SORBS2: variants seen among roughly 807,000 people sequenced by gnomAD.
SORBS2 encodes the protein sorbin and SH3 domain containing 2.
In SORBS2, 46 loss-of-function variants were observed where a neutral mutation model predicts 97.7. The ratio of observed to expected loss-of-function variants is 0.47; its 90% confidence interval spans 0.37 to 0.60. The LOEUF (loss-of-function observed/expected upper bound fraction) is 0.60. SORBS2 is among the 20% of genes least tolerant of loss of function. SORBS2 has a pLI of 0.00. For missense variants in SORBS2, 1,316 were observed against 1,282.3 expected (o/e 1.03, Z -0.40); for synonymous variants, 476 against 473.4 (o/e 1.01, Z -0.07).
At chr4:185,790,080 T>C (rs1425261519) in intron 1 of SORBS2, among the ~76,000 whole-genome samples, 1 of 152,188 alleles carries the variant, frequency 6.6e-6, no homozygotes, top group Non-Finnish European at 1.5e-5. Flanking sequence ...TGTCTCTAAT[T>C]TCACAGATTT....
At chr4:185,833,180 T>A (rs931680710) in intron 1 of SORBS2, among the ~76,000 whole-genome samples, 5 of 152,230 alleles carry the variant, frequency 3.3e-5, no homozygotes, top group Non-Finnish European at 7.3e-5. Context: ...TACCACCCCA[T>A]CTGACTATAA....
intron 4 of SORBS2, among the ~76,000 whole-genome samples, chr4:185,668,752 C>A (rs996105288): frequency 6.6e-5 from 10 of 152,156 alleles, no homozygotes; most frequent in African/African-American, 2.4e-4. Context: ...TCATGAGTGG[C>A]AAGTAGATGA....
chr4:185,626,679 T>A, intron 6 of SORBS2, 153 bp downstream of exon 18: 1 of 741,776 alleles, frequency 1.3e-6, no homozygotes, highest in Non-Finnish European at 2.2e-6. Flanking sequence ...TCAGTCTGGG[T>A]GGGAAGAAGG....
chr4:185,720,477 C>G (rs958223663), intron 2 of SORBS2, among the ~76,000 whole-genome samples: 5 of 152,272 alleles, frequency 3.3e-5, no homozygotes, highest in Middle Eastern at 3.4e-3. Context: ...GTAGATCACA[C>G]CCATGCAATT....
intron 1 of SORBS2, among the ~76,000 whole-genome samples, chr4:185,867,097 C>T (rs561522584): frequency 2.0e-4 from 31 of 152,118 alleles, no homozygotes; most frequent in Non-Finnish European, 2.6e-4. Flanking sequence ...CTGCAACCCC[C>T]GCCTCCCAGG....
chr4:185,709,237 C>G (rs60349244), intron 2 of SORBS2, among the ~76,000 whole-genome samples: 1 of 150,362 alleles, frequency 6.7e-6, no homozygotes, highest in South Asian at 2.1e-4. Flanking sequence ...CCAGGCTGGT[C>G]TTGAACTCCC....
At chr4:185,745,947 G>C (rs2098757201) in intron 2 of SORBS2, among the ~76,000 whole-genome samples, 1 of 152,122 alleles carries the variant, frequency 6.6e-6, no homozygotes. Context: ...TACAGAAAGA[G>C]AAGCAAACGA....
intron 2 of SORBS2, 150 bp from the exon 6 acceptor site, chr4:185,678,972 C>A: frequency 2.3e-6 from 1 of 431,092 alleles, no homozygotes. Flanking sequence ...CAAAGGGAGG[C>A]TTGTACATTT....
intron 1 of SORBS2, among the ~76,000 whole-genome samples, chr4:185,821,434 C>CT (rs928600999): frequency 5.9e-5 from 9 of 151,984 alleles, no homozygotes; most frequent in Admixed American, 1.3e-4. Flanking sequence ...ATGTTTGTTT[C>CT]TTTTTTTGAG....
intron 2 of SORBS2, among the ~76,000 whole-genome samples, chr4:185,727,269 G>A (rs553162292): frequency 6.6e-6 from 1 of 152,294 alleles, no homozygotes; most frequent in South Asian, 2.1e-4. Context: ...GATTGTCCAC[G>A]TTTGTATTAA....
chr4:185,753,258 G>A (rs1318216269), intron 2 of SORBS2, among the ~76,000 whole-genome samples: 1 of 152,120 alleles, frequency 6.6e-6, no homozygotes, highest in Non-Finnish European at 1.5e-5. Flanking sequence ...AAGGTTTTGG[G>A]GAACATTTTT....
rs755202018 is a variant in SORBS2, at chr4:185,623,872, C to A, written c.1257G>T (p.Lys419Asn). 2.5e-6 allele frequency: 4 copies of A among 1,614,078 alleles called. No individual in the cohort carries two copies. In the African/African-American group the frequency reaches 5.3e-5, roughly 22 times the overall value. Residue 419 changes from lysine (K) to asparagine (N), a missense_variant, in exon 7 of 15, where the codon AAG (lysine) becomes AAT (asparagine). Lys to Asn is a moderately conservative substitution (Grantham distance 94, BLOSUM62 0). Coordinates refer to ENST00000418609, the Ensembl canonical transcript of SORBS2. This position sits in a 1 kb window ranked among gnomAD's most constrained non-coding sequence, Gnocchi z 6.4. ...GCATGGATTTGGACTTCTGGATCAGCTTTTCGAATTCGGAGATGCGTGTGG... is the reference window on the plus strand; with the variant it reads ...GCATGGATTTGGACTTCTGGATCAGATTTTCGAATTCGGAGATGCGTGTGG...
intron 1 of SORBS2, among the ~76,000 whole-genome samples, chr4:185,793,968 T>C (rs1192641377): frequency 6.6e-6 from 1 of 152,184 alleles, no homozygotes; most frequent in Non-Finnish European, 1.5e-5. Context: ...CCCCTTCCTG[T>C]CCTGCAAAAT....
At chr4:185,776,325 T>C (rs2098999391) in intron 1 of SORBS2, among the ~76,000 whole-genome samples, 1 of 152,176 alleles carries the variant, frequency 6.6e-6, no homozygotes. Context: ...AGCTGAAGAC[T>C]GAGATCTCTT....
chr4:185,844,565 A>G (rs10213407), intron 1 of SORBS2, among the ~76,000 whole-genome samples: 64,075 of 152,016 alleles, frequency 0.42, 13,774 homozygotes, highest in Middle Eastern at 0.5. Flanking sequence ...ATGATTCCAC[A>G]ATAAATTAAA....
chr4:185,845,389 A>C (rs774523482), intron 1 of SORBS2, among the ~76,000 whole-genome samples: 1 of 152,184 alleles, frequency 6.6e-6, no homozygotes, highest in African/African-American at 2.4e-5. Context: ...ATATCACTGA[A>C]TTACATACTT....
intron 1 of SORBS2, among the ~76,000 whole-genome samples, chr4:185,849,449 G>A (rs7657921): frequency 0.27 from 39,714 of 149,604 alleles, 5,369 homozygotes; most frequent in South Asian, 0.36. Flanking sequence ...TTAGATTGTC[G>A]CCTGCCACTC....
rs2097913411 is a variant in SORBS2 at position 185,684,025 on chromosome 4, ACC to A, written c.-197-5205_-197-5204del. 6.6e-6 allele frequency among the ~76,000 whole-genome samples: 1 copy of A among 150,504 alleles called. No individual in the cohort carries two copies. The highest frequency in any genetic ancestry group is 1.5e-5 in the Non-Finnish European group (1 of 67,288). On this transcript the variant is annotated intron_variant, in intron 2 of 20. Transcript: ENST00000284776. This position sits in a 1 kb window ranked among gnomAD's most constrained non-coding sequence, Gnocchi z 4.2. ...AACCAACCAGCCAACCAACCAACCA[ACC>A]CACCAACCAACCCATCACCAACAGG...
intron 2 of SORBS2, among the ~76,000 whole-genome samples, chr4:185,761,139 C>T (rs904754591): frequency 1.3e-5 from 2 of 152,172 alleles, no homozygotes; most frequent in Admixed American, 6.5e-5. Flanking sequence ...TCCTTCCATG[C>T]CCCAAAGCAA....
Sources: gnomAD v4.1 joint callset for allele counts (sites outside exome capture counted in the v4.1 genomes callset) on GRCh38, gnomAD v4.1.1 for gene constraint, Gnocchi (gnomAD v3.1) non-coding constraint, MANE v1.5 for transcripts, NCBI Gene and HGNC (gene_info 2026-07-23, HGNC 2026-07-21) for gene names.